Variants in OXNAD1 observed in about 807,000 individuals in gnomAD.
The protein encoded by OXNAD1 is oxidoreductase NAD binding domain containing 1, also known as oxidoreductase NAD-binding domain-containing protein 1.
A neutral mutation model predicts 32.9 loss-of-function variants in OXNAD1; 34 were observed. The ratio of observed to expected loss-of-function variants is 1.03; its 90% CI spans 0.79 to 1.38. OXNAD1 has a LOEUF of 1.38. OXNAD1 is among the 40% of genes most tolerant of loss of function. The pLI is 0.00. For synonymous variants in OXNAD1, 134 were observed against 135.2 expected (o/e 0.99, Z 0.06); for missense variants, 407 against 379.4 (o/e 1.07, Z -0.60).
In OXNAD1 at chr3:16,270,928, G is replaced by T; in HGVS notation, c.-8-17G>T. The T allele has an allele frequency of 6.2e-7, 1 of 1,613,390 alleles. No homozygotes were observed. Among genetic ancestry groups the T allele is most frequent in the Non-Finnish European group, 8.5e-7 (1 of 1,179,858 alleles). On this transcript the variant is annotated splice_polypyrimidine_tract_variant and intron_variant, in intron 2 of 8. Transcript: ENST00000285083. ...TTTAAAAAAACAATTTGAAATTTCAGTTTTCTGTTTGCCCAGAAAGCGCCA... is the reference window on the plus strand; with the variant it reads ...TTTAAAAAAACAATTTGAAATTTCATTTTTCTGTTTGCCCAGAAAGCGCCA...
Position 16,346,727 on chromosome 3 carries a change from C to A in OXNAD1, c.*31-2449C>A, listed in dbSNP as rs1434589501. 1.3e-5 allele frequency among the ~76,000 whole-genome samples: 2 copies of A among 152,136 alleles called. No individual in the cohort carries two copies. Among genetic ancestry groups the A allele is most frequent in the Non-Finnish European group, 2.9e-5 (2 of 68,038 alleles). ...GCTTTTACTTGCTAATAAAAAGGGA[C>A]GTGTGGCAGGAAAAAACTGCCCCGT... On this transcript the variant is annotated intron_variant, in intron 9 of 9. Transcript: ENST00000606098. This position sits in a 1 kb window ranked among gnomAD's most constrained non-coding sequence, Gnocchi z 4.4.
rs1031343980 is a variant in OXNAD1 at position 16,280,121 on chromosome 3, C to G, written c.184-6221C>G. ...GAGTGAATCAATGTATGTAAAGTGCCTGACATATGGTAAGGATGTCTATAA... is the reference window on the plus strand; with the variant it reads ...GAGTGAATCAATGTATGTAAAGTGCGTGACATATGGTAAGGATGTCTATAA... On this transcript the variant is annotated intron_variant, in intron 4 of 8. Transcript: ENST00000285083. This position sits in a 1 kb window ranked among gnomAD's most constrained non-coding sequence, Gnocchi z 4.5. 2.6e-5 allele frequency among the ~76,000 whole-genome samples: 4 copies of G among 152,116 alleles called. No homozygotes were observed. Among genetic ancestry groups the G allele is most frequent in the Admixed American group, 2.0e-4 (3 of 15,276 alleles).
Position 16,303,616 on chromosome 3 carries a change from C to T in OXNAD1, c.*54C>T, listed in dbSNP as rs193090911. ...AGGTGAGATCTACTCAGGAGAGCTC[C>T]TGTCCTTTGTGGCATGATTAATTTT... is the stretch of plus-strand genomic sequence containing the variant. On this transcript the variant is annotated 3_prime_UTR_variant, in exon 9 of 9. Transcript: ENST00000285083. The surrounding 1 kb of genome is among the most constrained non-coding windows in gnomAD (Gnocchi z 4.8). 1.3e-5 allele frequency: 20 copies of T among 1,556,122 alleles called. No homozygotes were observed. In the East Asian group the frequency reaches 2.8e-4, roughly 22 times the overall value.
Position 16,343,944 on chromosome 3 carries a change from C to T in OXNAD1, c.*31-5232C>T, listed in dbSNP as rs574594291. On this transcript the variant is annotated intron_variant, in intron 9 of 9. Transcript: ENST00000606098. ...GGCATTAGGGTTGGGCTGGAAATGA[C>T]GAGCAACTGCCTCAAAAGTGAAGAT... 1.5e-4 allele frequency among the ~76,000 whole-genome samples: 23 copies of T among 152,228 alleles called. No individual in the cohort carries two copies. In the South Asian group the frequency reaches 2.3e-3, roughly 15 times the overall value.
In OXNAD1 at chr3:16,301,854, G is replaced by C; in HGVS notation, c.661G>C (p.Glu221Gln). 2 of 1,613,896 alleles carry C rather than the reference G, an allele frequency of 1.2e-6. No homozygotes were observed. The highest frequency in any genetic ancestry group is 1.7e-6 in the Non-Finnish European group (2 of 1,179,820). Residue 221 changes from glutamate to glutamine, a missense_variant, in exon 7 of 9, where the codon GAA (glutamate) becomes CAA (glutamine). By Grantham distance (29) the Glu-to-Gln change is conservative. Coordinates refer to ENST00000285083, the MANE Select transcript of OXNAD1 (RefSeq NM_138381.5). This position sits in a 1 kb window ranked among gnomAD's most constrained non-coding sequence, Gnocchi z 4.1. ...KLFYSAKNTS[E>Q]LLFKKNILDL... ...ATTCTACAGTGCAAAAAATACCAGC[G>C]AACTCCTGTTTAAGGTAAGGGAGGT...
At chr3:16,315,272 C>T (rs963789399) in intron 9 of OXNAD1, among the ~76,000 whole-genome samples, 4 of 152,126 alleles carry the variant, frequency 2.6e-5, no homozygotes, top group Admixed American at 1.3e-4. Flanking sequence ...CCCGCCACCA[C>T]GCCCAGCTAA....
downstream of OXNAD1, among the ~76,000 whole-genome samples, chr3:16,340,118 A>G (rs574691): frequency 0.065 from 9,972 of 152,252 alleles, 479 homozygotes; most frequent in Non-Finnish European, 0.1. Flanking sequence ...GCCACACACA[A>G]ACTTGTTTCT....
chr3:16,331,768 T>C (rs1404477381), intron 9 of OXNAD1, among the ~76,000 whole-genome samples: 2 of 152,218 alleles, frequency 1.3e-5, no homozygotes, highest in Non-Finnish European at 2.9e-5. Context: ...TCTCTTTTTT[T>C]GGTTTCCTTC....
chr3:16,331,538 A>ATT (rs2070312401), intron 9 of OXNAD1, among the ~76,000 whole-genome samples: 1 of 151,972 alleles, frequency 6.6e-6, no homozygotes, highest in Admixed American at 6.6e-5. Context: ...TATTACCTCC[A>ATT]TTTTTTTCAT....
At chr3:16,270,792 G>T in intron 2 of OXNAD1, 153 bp from the exon 3 acceptor site, 1 of 1,063,464 alleles carries the variant, frequency 9.4e-7, no homozygotes, top group Non-Finnish European at 1.3e-6. Flanking sequence ...ATTTTGTCAA[G>T]GTGAAGTTAG....
rs759427505 is a variant in OXNAD1, at chr3:16,302,723, T to C, written c.759T>C (p.Asn253=). ...LHVTKQTTQI[N]AELKPYITEG... ...TTACAAAACAGACTACACAAATCAA[T>C]GCGGAACTCAAGCCATACATCACGG... Residue 253 remains asparagine, a synonymous_variant, in exon 8 of 9, where the codon AAT becomes AAC. Coordinates refer to ENST00000285083, the MANE Select transcript of OXNAD1 (RefSeq NM_138381.5). This position sits in a 1 kb window ranked among gnomAD's most constrained non-coding sequence, Gnocchi z 4.2. The C allele has an allele frequency of 1.1e-5, 17 of 1,612,800 alleles. No individual in the cohort carries two copies. In the Admixed American group the frequency reaches 1.3e-4, roughly 13 times the overall value.
rs947331271 is a variant in OXNAD1 at position 16,301,502 on chromosome 3, C to T, written c.433-124C>T. 2 of 1,183,846 alleles carry T rather than the reference C, an allele frequency of 1.7e-6. No individual in the cohort carries two copies. The highest frequency in any genetic ancestry group is 1.2e-6 in the Non-Finnish European group (1 of 852,770). 73.3% of individuals were successfully genotyped at this position (1,183,846 alleles called of 1,614,324 possible). On this transcript the variant is annotated intron_variant, in intron 6 of 8. Coordinates refer to ENST00000285083, the MANE Select transcript of OXNAD1 (RefSeq NM_138381.5). This position sits in a 1 kb window ranked among gnomAD's most constrained non-coding sequence, Gnocchi z 4.1. ...CACAGGGCATCGGGAAAATTGGGAG[C>T]AAGCTATAAAAATAGTCTTAAATAC...
In OXNAD1 at chr3:16,335,791, AAAAAG is replaced by A. The variant is rs981841423; in HGVS notation, c.*31-1320_*31-1316del. Among the ~76,000 whole-genome samples the A allele has an allele frequency of 3.9e-5, 6 of 151,924 alleles. No homozygotes were observed. The highest frequency in any genetic ancestry group is 1.5e-4 in the African/African-American group (6 of 41,252). On this transcript the variant is annotated intron_variant, in intron 9 of 9. Coordinates refer to the OXNAD1 transcript ENST00000435829. This position sits in a 1 kb window ranked among gnomAD's most constrained non-coding sequence, Gnocchi z 4.7. Reference sequence around the variant, plus strand: ...CCTGGAACTTTAAAAAAAAAAAAAAAAAAAGGAGTTTGATCACACCATCAAATATC... The same window carrying A: ...CCTGGAACTTTAAAAAAAAAAAAAAAGAGTTTGATCACACCATCAAATATC...
In OXNAD1 at chr3:16,346,028, G is replaced by T. The variant is rs2071694780; in HGVS notation, c.*31-3148G>T. 6.6e-6 allele frequency: 1 copy of T among 152,022 alleles called. No homozygotes were observed. The highest frequency in any genetic ancestry group is 6.6e-5 in the Admixed American group (1 of 15,258). The allele number at this position is 152,022 out of a possible 1,614,324, so 9.4% of individuals were successfully genotyped here. On this transcript the variant is annotated intron_variant, in intron 9 of 9. Transcript: ENST00000606098. The surrounding 1 kb of genome is among the most constrained non-coding windows in gnomAD (Gnocchi z 4.4). ...TGCAGCAAGAATCAAAATTCACTTT[G>T]CCCCATGATCTTCACCAGAACGGCA... is the stretch of plus-strand genomic sequence containing the variant.
In OXNAD1 at chr3:16,265,660, A is replaced by T. The variant is rs1026410343; in HGVS notation, c.-159+155A>T. On this transcript the variant is annotated intron_variant, in intron 1 of 8. Transcript: ENST00000285083. The surrounding 1 kb of genome is among the most constrained non-coding windows in gnomAD (Gnocchi z 4.8). ...GACGATGATTTTTAGTAATAGTAATAACATCACCTTTTATTATTGGGAAGT... is the reference window on the plus strand; with the variant it reads ...GACGATGATTTTTAGTAATAGTAATTACATCACCTTTTATTATTGGGAAGT... Among the ~76,000 whole-genome samples, 5 of 152,220 alleles carry T rather than the reference A, an allele frequency of 3.3e-5. No individual in the cohort carries two copies. The highest frequency in any genetic ancestry group is 2.1e-4 in the South Asian group (1 of 4,834).
rs531751365 is a variant in OXNAD1, at chr3:16,268,313, CTTTTTTTTTTTTTTTTTTTT to C, written c.-158-799_-158-780del. 1.2e-3 allele frequency among the ~76,000 whole-genome samples: 76 copies of C among 61,012 alleles called. 2 individuals carry two copies. The highest frequency in any genetic ancestry group is 6.0e-3 in the Admixed American group (22 of 3,678). The allele number at this position is 61,012 out of a possible 152,430, so 40.0% of individuals were successfully genotyped here. A position where few individuals can be genotyped will look rare whatever the true frequency, so the allele number is the denominator to read the frequency against. On this transcript the variant is annotated intron_variant, in intron 1 of 8. Transcript: ENST00000285083. ...AATCTTAGGATTTTAAAGAGAACTC[CTTTTTTTTTTTTTTTTTTTT>C]TTTTTTTTTTTTTGAGACTGAGTTT...
chr3:16,294,174 A>G (rs2066607189), intron 5 of OXNAD1, among the ~76,000 whole-genome samples: 1 of 150,988 alleles, frequency 6.6e-6, no homozygotes, highest in Non-Finnish European at 1.5e-5. Flanking sequence ...ATAGAACTTA[A>G]CAGGATGCCA....
chr3:16,346,641 T>C lies in OXNAD1; in HGVS notation c.*31-2535T>C, dbSNP rs550576834. ...CATGACTCTTGACAAGTGGCATGGG[T>C]CTGTGACTCAGTCCTGGCCAATGAG... On this transcript the variant is annotated intron_variant, in intron 9 of 9. Transcript: ENST00000606098. The surrounding 1 kb of genome is among the most constrained non-coding windows in gnomAD (Gnocchi z 4.4). Among the ~76,000 whole-genome samples, 8 of 152,204 alleles carry C rather than the reference T, an allele frequency of 5.3e-5. No homozygotes were observed. Among genetic ancestry groups the C allele is most frequent in the African/African-American group, 1.9e-4 (8 of 41,536 alleles).
intron 9 of OXNAD1, among the ~76,000 whole-genome samples, chr3:16,325,493 A>G (rs928491276): frequency 2.0e-5 from 3 of 152,206 alleles, no homozygotes; most frequent in Non-Finnish European, 4.4e-5. Flanking sequence ...GTCTTCTGGA[A>G]ATTGACCAGG....
Sources: gnomAD v4.1 joint callset for allele counts (sites outside exome capture counted in the v4.1 genomes callset) on GRCh38, gnomAD v4.1.1 for gene constraint, Gnocchi (gnomAD v3.1) non-coding constraint, MANE v1.5 for transcripts, NCBI Gene and HGNC (gene_info 2026-07-23, HGNC 2026-07-21) for gene names.